Variants in ORC6 observed in about 807,000 individuals in gnomAD.
The protein encoded by ORC6 is origin recognition complex subunit 6.
Under a neutral mutation model 30.0 loss-of-function variants are expected in ORC6, and 31 were observed. The ratio of observed to expected loss-of-function variants is 1.03; its 90% confidence interval spans 0.78 to 1.40. The LOEUF is 1.40. ORC6 is among the 40% of genes most tolerant of loss of function. The pLI, the probability that ORC6 is intolerant of heterozygous loss-of-function variation, is 0.00. For synonymous variants in ORC6, 136 were observed against 111.2 expected (o/e 1.22, Z -1.40); for missense variants, 340 against 304.3 (o/e 1.12, Z -0.87).
At chr16:46,691,640 A>G (rs1395867624) in intron 2 of ORC6, among the ~76,000 whole-genome samples, 1 of 152,224 alleles carries the variant, frequency 6.6e-6, no homozygotes. Flanking sequence ...TTAAATGGTA[A>G]TACTAAAAAC....
chr16:46,691,958 A>ACACACACACACACTCTCTCTCTCTCTCT, intron 2 of ORC6, among the ~76,000 whole-genome samples: 46 of 36,658 alleles, frequency 1.3e-3, no homozygotes, highest in Non-Finnish European at 1.6e-3. Flanking sequence ...ACACACACAC[A>ACACACACACACACTCTCTCTCTCTCTCT]CTCTCTCTCT....
intron 2 of ORC6, among the ~76,000 whole-genome samples, chr16:46,691,980 T>TCTCTCTCTCTCTCTCA (rs1966449087): frequency 6.8e-6 from 1 of 147,920 alleles, no homozygotes; most frequent in Non-Finnish European, 1.5e-5. Flanking sequence ...TCTCTCTCTC[T>TCTCTCTCTCTCTCTCA]CACCACCCCG....
intron 2 of ORC6, 103 bp downstream of exon 2, chr16:46,691,223 G>T: frequency 1.9e-6 from 2 of 1,061,186 alleles, no homozygotes; most frequent in Non-Finnish European, 2.9e-6. Context: ...TTTTAGAATT[G>T]TCCTGGGTAT....
intron 6 of ORC6, among the ~76,000 whole-genome samples, chr16:46,696,441 C>G (rs1966518283): frequency 6.6e-6 from 1 of 152,136 alleles, no homozygotes; most frequent in Admixed American, 6.5e-5. Context: ...AACAAGTCAG[C>G]TGGTTGGCTG....
rs1458360084 is a variant in ORC6, at chr16:46,693,182, A to G, written c.449A>G (p.Lys150Arg). 1 of 1,598,246 alleles carries G rather than the reference A, an allele frequency of 6.3e-7. No homozygotes were observed. The highest frequency in any genetic ancestry group is 8.6e-7 in the Non-Finnish European group (1 of 1,165,604). Residue 150 changes from lysine to arginine, a missense_variant and splice_region_variant, in exon 4 of 7, where the codon AAG (lysine) becomes AGG (arginine). Coordinates refer to ENST00000219097, the MANE Select transcript of ORC6 (RefSeq NM_014321.4). Reference sequence around the variant, plus strand: ...TCTGCTGCACTGCTTTCAGCATGCAAGTAGGTATTTCATTAAACATTCAGA... The same window carrying G: ...TCTGCTGCACTGCTTTCAGCATGCAGGTAGGTATTTCATTAAACATTCAGA... ...FTSAALLSAC[K>R]ILKLKVDKNK...
chr16:46,691,530 C>T (rs1966436948), intron 2 of ORC6, among the ~76,000 whole-genome samples: 2 of 152,150 alleles, frequency 1.3e-5, no homozygotes, highest in African/African-American at 4.8e-5. Flanking sequence ...TGTCCTCATC[C>T]ATAAAGTGAA....
In ORC6 at chr16:46,692,502, A is replaced by G. The variant is rs1966457736; in HGVS notation, c.316A>G (p.Ser106Gly). The change falls in exon 3 of 7, where the codon AGC becomes GGC. Residue 106 changes from serine to glycine, a missense_variant. Transcript: ENST00000219097. ...IGIRDLAVQF[S>G]CIEAVNMASK... ...AATAAGAGACCTAGCTGTACAGTTT[A>G]GCTGTATAGAAGCAGTGAACATGGC... The G allele has an allele frequency of 1.9e-6, 3 of 1,613,802 alleles. No individual in the cohort carries two copies. The highest frequency in any genetic ancestry group is 2.5e-6 in the Non-Finnish European group (3 of 1,179,798).
Position 46,689,760 on chromosome 16 carries a change from G to T in ORC6, c.55G>T (p.Asp19Tyr). The T allele has an allele frequency of 6.3e-7, 1 of 1,596,940 alleles. No individual in the cohort carries two copies. The highest frequency in any genetic ancestry group is 8.5e-7 in the Non-Finnish European group (1 of 1,172,624). Reference sequence around the variant, plus strand: ...CCCGCGCCTGGGCCTCGCCGAGCCCGACATGCTGAGGTGAGTTCGGCCGCG... The same window carrying T: ...CCCGCGCCTGGGCCTCGCCGAGCCCTACATGCTGAGGTGAGTTCGGCCGCG... ...LAPRLGLAEP[D>Y]MLRKAEEYLR... is the part of the protein sequence containing the mutation. The change falls in exon 1 of 7, where the codon GAC (aspartate) becomes TAC (tyrosine). Residue 19 changes from aspartate to tyrosine, a missense_variant. Asp to Tyr is a radical substitution (Grantham distance 160). Transcript: ENST00000219097.
intron 6 of ORC6, among the ~76,000 whole-genome samples, chr16:46,696,579 G>T (rs993648200): frequency 6.6e-6 from 1 of 152,134 alleles, no homozygotes; most frequent in Non-Finnish European, 1.5e-5. Context: ...CAGGCAAATG[G>T]CTGCATTATT....
chr16:46,690,389 G>C (rs1966420942), intron 1 of ORC6, among the ~76,000 whole-genome samples: 1 of 152,192 alleles, frequency 6.6e-6, no homozygotes, highest in African/African-American at 2.4e-5. Flanking sequence ...TAGCTAAAAC[G>C]TGGAGCAGTC....
At chr16:46,689,878 G>A in intron 1 of ORC6, 108 bp downstream of exon 1, 10 of 1,436,228 alleles carry the variant, frequency 7.0e-6, no homozygotes, top group Non-Finnish European at 9.1e-6. Flanking sequence ...GAGTGACGGG[G>A]AGCGCTGGGG....
In ORC6 at chr16:46,691,932, G is replaced by GCACA. The variant is rs34549741; in HGVS notation, c.196-426_196-423dup. 9.8e-4 allele frequency among the ~76,000 whole-genome samples: 58 copies of GCACA among 59,264 alleles called. 4 individuals carry two copies. The highest frequency in any genetic ancestry group is 2.2e-3 in the African/African-American group (32 of 14,622). 38.9% of individuals were successfully genotyped at this position (59,264 alleles called of 152,430 possible). A position where few individuals can be genotyped will look rare whatever the true frequency, so the allele number is the denominator to read the frequency against. On this transcript the variant is annotated intron_variant, in intron 2 of 6. Coordinates refer to ENST00000219097, the MANE Select transcript of ORC6 (RefSeq NM_014321.4). ...AGTTTCCTTTTCCTCTTTCTCTCCTGCACACACACACACACACACACACAC... is the reference window on the plus strand; with the variant it reads ...AGTTTCCTTTTCCTCTTTCTCTCCTGCACACACACACACACACACACACACACAC...
chr16:46,694,569 G>T (rs2143010874), intron 4 of ORC6: 1 of 145,422 alleles, frequency 6.9e-6, no homozygotes, highest in East Asian at 2.1e-4. Flanking sequence ...CCCGGACGGG[G>T]CAGCTGGCCG....
At chr16:46,692,252 C>T (rs1269879202) in intron 2 of ORC6, 130 bp from the exon 3 acceptor site, 1 of 734,202 alleles carries the variant, frequency 1.4e-6, no homozygotes, top group East Asian at 2.8e-5. Flanking sequence ...GAAGCTAAAC[C>T]TTTAGGTAGA....
intron 1 of ORC6, among the ~76,000 whole-genome samples, chr16:46,690,374 C>G (rs1966420745): frequency 6.6e-6 from 1 of 152,192 alleles, no homozygotes; most frequent in Admixed American, 6.5e-5. Context: ...GAAATAAAGC[C>G]ATTGTAGCTA....
chr16:46,691,754 T>C (rs1203357728), intron 2 of ORC6, among the ~76,000 whole-genome samples: 1 of 152,240 alleles, frequency 6.6e-6, no homozygotes, highest in African/African-American at 2.4e-5. Context: ...TTTGTGGCTT[T>C]GAAAATGCAA....
At position 46,698,351 on chromosome 16, in the gene ORC6, A is replaced by G; in HGVS notation, c.*766A>G. 1 of 439,264 alleles carries G rather than the reference A, an allele frequency of 2.3e-6. No homozygotes were observed. Among genetic ancestry groups the G allele is most frequent in the Non-Finnish European group, 4.6e-6 (1 of 217,072 alleles). 27.2% of individuals were successfully genotyped at this position (439,264 alleles called of 1,614,324 possible). ...CGGTATTTTTTATTTGACTAAATCA[A>G]TATATTGTACAGCCTAAGTTAATAA... On this transcript the variant is annotated 3_prime_UTR_variant, in exon 7 of 7. Coordinates refer to ENST00000219097, the MANE Select transcript of ORC6 (RefSeq NM_014321.4).
At chr16:46,692,168 G>A in intron 2 of ORC6, among the ~76,000 whole-genome samples, 1 of 152,022 alleles carries the variant, frequency 6.6e-6, no homozygotes, top group East Asian at 1.9e-4. Flanking sequence ...ATGACTGCCT[G>A]CCTTTGCATA....
Position 46,697,464 on chromosome 16 carries a change from A to T in ORC6, c.638A>T (p.Glu213Val). The change falls in exon 7 of 7, where the codon GAG becomes GTG. Residue 213 changes from glutamate (E) to valine (V), a missense_variant. Glu to Val is a moderately radical substitution (Grantham distance 121). Transcript: ENST00000219097. ...TTTGATAATTTTCTGTCAGAAATGG[A>T]GAAGGTAGAGGAGATGCCACATAAA... is the stretch of plus-strand genomic sequence containing the variant. Reference protein sequence around the residue: ...IVVEAPAKEMEKVEEMPHKPQ... With the variant: ...IVVEAPAKEMVKVEEMPHKPQ... 6.2e-7 allele frequency: 1 copy of T among 1,612,430 alleles called. No individual in the cohort carries two copies. Among genetic ancestry groups the T allele is most frequent in the South Asian group, 1.1e-5 (1 of 90,914 alleles).
Sources: gnomAD v4.1 joint callset for allele counts (sites outside exome capture counted in the v4.1 genomes callset) on GRCh38, gnomAD v4.1.1 for gene constraint, MANE v1.5 for transcripts, NCBI Gene and HGNC (gene_info 2026-07-23, HGNC 2026-07-21) for gene names.